Variants in ATXN7L1 observed in about 807,000 individuals in gnomAD.
ATXN7L1 encodes ataxin 7 like 1, also known as ataxin-7-like protein 1.
ATXN7L1 carries 15 observed loss-of-function variants against 70.8 expected under a neutral mutation model. The ratio of observed to expected loss-of-function variants is 0.21; its 90% CI spans 0.14 to 0.33. ATXN7L1 has a LOEUF of 0.33. Ranked by LOEUF, ATXN7L1 falls within the 10% of genes least tolerant of loss-of-function variation. The probability of loss-of-function intolerance (pLI) is 1.00; values close to 1 mark genes in which losing one functional copy is unlikely to be tolerated. For synonymous variants in ATXN7L1, 440 were observed against 445.1 expected (o/e 0.99, Z 0.14); for missense variants, 975 against 1,097.1 (o/e 0.89, Z 1.57).
At chr7:105,857,024 G>C (rs576877378) in intron 2 of ATXN7L1, among the ~76,000 whole-genome samples, 7 of 152,124 alleles carry the variant, frequency 4.6e-5, no homozygotes, top group Non-Finnish European at 1.0e-4. Context: ...TATTAATGGA[G>C]TTTCACCATA....
chr7:105,819,919 G>A (rs1809862366), intron 2 of ATXN7L1: 5 of 515,992 alleles, frequency 9.7e-6, no homozygotes, highest in Admixed American at 4.4e-5. Flanking sequence ...CCTGGCTCAC[G>A]AGGTTTGCTG....
At chr7:105,692,597 C>T (rs1390240471) in intron 3 of ATXN7L1, among the ~76,000 whole-genome samples, 1 of 152,034 alleles carries the variant, frequency 6.6e-6, no homozygotes, top group Non-Finnish European at 1.5e-5. Flanking sequence ...CAGGCATGCA[C>T]CACTACGCCT....
At chr7:105,625,859 A>G (rs1349373676) in intron 7 of ATXN7L1, among the ~76,000 whole-genome samples, 1 of 152,220 alleles carries the variant, frequency 6.6e-6, no homozygotes, top group Non-Finnish European at 1.5e-5. Flanking sequence ...AGCTTTTACT[A>G]CTTCTCCACT....
intron 3 of ATXN7L1, among the ~76,000 whole-genome samples, chr7:105,674,348 G>A (rs1403607000): frequency 6.6e-6 from 1 of 152,192 alleles, no homozygotes; most frequent in Non-Finnish European, 1.5e-5. Flanking sequence ...GCTTTCTTGA[G>A]TACCTACTAT....
intron 2 of ATXN7L1, among the ~76,000 whole-genome samples, chr7:105,813,596 C>G (rs1010906036): frequency 2.6e-5 from 4 of 152,220 alleles, no homozygotes. Context: ...CTCGGCCTCT[C>G]AAAGTGCTGG....
intron 2 of ATXN7L1, among the ~76,000 whole-genome samples, chr7:105,812,102 C>CG (rs398086035): frequency 5.3e-5 from 8 of 152,190 alleles, no homozygotes; most frequent in Non-Finnish European, 1.0e-4. Context: ...CTCAAGCCCC[C>CG]CTGGATGCTA....
In ATXN7L1 at chr7:105,610,540, G is replaced by C. The variant is rs2115708307; in HGVS notation, c.2536C>G (p.His846Asp). ...SSPSSISSPGHSRQNTNRTGR... is the reference protein window; with the variant it reads ...SSPSSISSPGDSRQNTNRTGR... ...CCTCAGTAACTTACCTGTCGGCTGT[G>C]TCCTGGGCTGGATATACTTGAAGGA... Residue 846 changes from histidine to aspartate, a missense_variant, in exon 11 of 12, where the codon CAC becomes GAC. Coordinates refer to ENST00000419735, the MANE Select transcript of ATXN7L1 (RefSeq NM_020725.2). 1 of 1,551,038 alleles carries C rather than the reference G, an allele frequency of 6.4e-7. No individual in the cohort carries two copies. Among genetic ancestry groups the C allele is most frequent in the Non-Finnish European group, 8.7e-7 (1 of 1,146,836 alleles).
chr7:105,827,499 G>A (rs545857516), intron 2 of ATXN7L1, among the ~76,000 whole-genome samples: 9 of 152,254 alleles, frequency 5.9e-5, no homozygotes, highest in East Asian at 1.9e-4. Context: ...TTTGAATTGC[G>A]TGGGTTCACT....
intron 3 of ATXN7L1, among the ~76,000 whole-genome samples, chr7:105,668,373 A>G: frequency 6.6e-6 from 1 of 152,164 alleles, no homozygotes; most frequent in Admixed American, 6.5e-5. Context: ...AGCTGGGACT[A>G]CAGGCATGTG....
chr7:105,782,888 C>A lies in ATXN7L1; in HGVS notation c.355+5716G>T, dbSNP rs188775110. Among the ~76,000 whole-genome samples, 1,450 of 152,338 alleles carry A rather than the reference C, an allele frequency of 9.5e-3. 12 individuals carry two copies. The highest frequency in any genetic ancestry group is 0.051 in the Middle Eastern group (15 of 294). ...GGGCTGACCTCAGCGTGCACATCCT[C>A]TGAGACAGGGCAAGAAATGAAGGCA... On this transcript the variant is annotated intron_variant, in intron 3 of 11. Coordinates refer to ENST00000419735, the MANE Select transcript of ATXN7L1 (RefSeq NM_020725.2).
intron 4 of ATXN7L1, among the ~76,000 whole-genome samples, chr7:105,663,084 A>G (rs545716165): frequency 1.1e-4 from 16 of 152,336 alleles, no homozygotes; most frequent in African/African-American, 3.6e-4. Flanking sequence ...TTGTGGTTAC[A>G]TCGGGACACC....
chr7:105,873,375 T>C (rs1818563172), intron 2 of ATXN7L1, among the ~76,000 whole-genome samples: 1 of 152,174 alleles, frequency 6.6e-6, no homozygotes, highest in African/African-American at 2.4e-5. Flanking sequence ...CTACTTTGTG[T>C]CCTGCAGTGA....
intron 3 of ATXN7L1, among the ~76,000 whole-genome samples, chr7:105,677,447 A>G (rs1804855261): frequency 6.6e-6 from 1 of 152,130 alleles, no homozygotes. Context: ...CGCTGTAATT[A>G]CTGGTTTACT....
chr7:105,630,351 ATACT>A (rs1796400162), intron 7 of ATXN7L1, among the ~76,000 whole-genome samples: 1 of 152,236 alleles, frequency 6.6e-6, no homozygotes, highest in Non-Finnish European at 1.5e-5. Flanking sequence ...AAATGTGGTG[ATACT>A]TACGACGATG....
chr7:105,688,234 C>T (rs921440640), intron 3 of ATXN7L1, among the ~76,000 whole-genome samples: 1 of 152,104 alleles, frequency 6.6e-6, no homozygotes, highest in Non-Finnish European at 1.5e-5. Flanking sequence ...TCCTGTACTT[C>T]GCCTAATAAA....
intron 3 of ATXN7L1, among the ~76,000 whole-genome samples, chr7:105,772,224 C>T (rs978659820): frequency 2.0e-5 from 3 of 151,996 alleles, no homozygotes; most frequent in Non-Finnish European, 4.4e-5. Context: ...CAGGCACATG[C>T]CACCACACCT....
intron 2 of ATXN7L1, among the ~76,000 whole-genome samples, chr7:105,801,693 G>A (rs995542533): frequency 2.6e-5 from 4 of 152,150 alleles, no homozygotes; most frequent in Admixed American, 6.5e-5. Context: ...GGATATATGC[G>A]TTGGAGGCCC....
rs376121503 is a variant in ATXN7L1 at position 105,747,732 on chromosome 7, C to G, written c.355+40872G>C. Among the ~76,000 whole-genome samples the G allele has an allele frequency of 2.6e-5, 4 of 152,118 alleles. No individual in the cohort carries two copies. In the South Asian group the frequency reaches 8.3e-4, roughly 32 times the overall value. Reference sequence around the variant, plus strand: ...TCTGATGCGATGTCTAGGTACATAGCGTCAGAATTGAATTAGAGGACATCC... The same window carrying G: ...TCTGATGCGATGTCTAGGTACATAGGGTCAGAATTGAATTAGAGGACATCC... On this transcript the variant is annotated intron_variant, in intron 3 of 11. Transcript: ENST00000419735.
chr7:105,818,276 C>T (rs191476847), intron 2 of ATXN7L1, among the ~76,000 whole-genome samples: 1,677 of 152,256 alleles, frequency 0.011, 15 homozygotes, highest in Non-Finnish European at 0.018. Flanking sequence ...CTTAAGCAAT[C>T]CTCCTGCCTC....
Sources: allele counts gnomAD v4.1 joint callset (sites outside exome capture counted in the v4.1 genomes callset), GRCh38; gene constraint gnomAD v4.1.1; transcripts MANE v1.5; gene names NCBI Gene and HGNC (gene_info 2026-07-23, HGNC 2026-07-21).